The following SCARB1 variants were observed in gnomAD, a reference collection of about 807,000 sequenced individuals.
The protein encoded by SCARB1 is scavenger receptor class B member 1.
A neutral mutation model predicts 57.2 loss-of-function variants in SCARB1; 30 were observed. That is an observed-to-expected ratio of 0.52 (90% CI 0.39 to 0.71). The LOEUF is 0.71. SCARB1 is among the 30% of genes least tolerant of loss of function. SCARB1 has a pLI of 0.00. For missense variants in SCARB1, 543 were observed against 671.2 expected (o/e 0.81, Z 2.11); for synonymous variants, 249 against 268.3 (o/e 0.93, Z 0.70).
chr12:124,816,462 C>T (rs1018040258), intron 2 of SCARB1, among the ~76,000 whole-genome samples: 52 of 152,212 alleles, frequency 3.4e-4, no homozygotes, highest in African/African-American at 1.2e-4. Context: ...GTTAAATGAA[C>T]GAGCGAATGA....
intron 9 of SCARB1, among the ~76,000 whole-genome samples, chr12:124,792,329 G>T (rs1229834866): frequency 6.6e-6 from 1 of 152,116 alleles, no homozygotes; most frequent in Non-Finnish European, 1.5e-5. Context: ...GGAGTGCCTT[G>T]TTCCCAGTCC....
chr12:124,830,218 G>C (rs1951331639), intron 1 of SCARB1, among the ~76,000 whole-genome samples: 1 of 152,202 alleles, frequency 6.6e-6, no homozygotes. Flanking sequence ...TGAGGATGTG[G>C]AGCAGCCAGA....
At chr12:124,858,744 T>C (rs1159033427) in intron 1 of SCARB1, among the ~76,000 whole-genome samples, 3 of 151,906 alleles carry the variant, frequency 2.0e-5, no homozygotes, top group African/African-American at 7.3e-5. Flanking sequence ...GTGGGTGCGG[T>C]GGCGGGCGCC....
chr12:124,833,626 C>A (rs891312367), intron 1 of SCARB1, among the ~76,000 whole-genome samples: 2 of 152,162 alleles, frequency 1.3e-5, no homozygotes, highest in African/African-American at 4.8e-5. Flanking sequence ...GACCCCAGAG[C>A]ATCCTCCCAC....
intron 1 of SCARB1, among the ~76,000 whole-genome samples, chr12:124,847,413 G>A (rs1398527116): frequency 6.6e-6 from 1 of 152,240 alleles, no homozygotes; most frequent in Non-Finnish European, 1.5e-5. Context: ...ATTTCCACAA[G>A]GCTCTGAGGC....
At chr12:124,845,610 C>T (rs1195497718) in intron 1 of SCARB1, among the ~76,000 whole-genome samples, 2 of 149,502 alleles carry the variant, frequency 1.3e-5, no homozygotes, top group Non-Finnish European at 3.0e-5. Flanking sequence ...GAGGCTGAGG[C>T]AGGAGAATCG....
At chr12:124,831,910 C>T (rs1003173193) in intron 1 of SCARB1, among the ~76,000 whole-genome samples, 11 of 152,288 alleles carry the variant, frequency 7.2e-5, no homozygotes, top group Middle Eastern at 3.4e-3. Context: ...AATTCCTAGC[C>T]GGTGCTCAGG....
chr12:124,831,111 G>A (rs1293888241), intron 1 of SCARB1, among the ~76,000 whole-genome samples: 2 of 152,150 alleles, frequency 1.3e-5, no homozygotes, highest in African/African-American at 4.8e-5. Context: ...AAGTAGCTGG[G>A]ATTACAGATG....
At chr12:124,854,611 G>A (rs1446521843) in intron 1 of SCARB1, among the ~76,000 whole-genome samples, 1 of 152,206 alleles carries the variant, frequency 6.6e-6, no homozygotes, top group Non-Finnish European at 1.5e-5. Flanking sequence ...CGCCTCGGGC[G>A]TGGTGAGAAG....
intron 11 of SCARB1, chr12:124,784,371 T>C (rs1375832278): frequency 3.3e-5 from 5 of 152,208 alleles, no homozygotes; most frequent in African/African-American, 1.2e-4. Context: ...GACCCAATGG[T>C]CATTGTTCAT....
intron 1 of SCARB1, among the ~76,000 whole-genome samples, chr12:124,828,792 G>A (rs55643266): frequency 0.073 from 11,188 of 152,246 alleles, 546 homozygotes; most frequent in East Asian, 0.1. Flanking sequence ...CCACTGAATT[G>A]CAAGGTCTAA....
intron 6 of SCARB1, among the ~76,000 whole-genome samples, chr12:124,808,513 C>T (rs1950404623): frequency 6.6e-6 from 1 of 152,166 alleles, no homozygotes. Flanking sequence ...CCCTTTGCAT[C>T]ACTGCTCCCT....
Position 124,815,050 on chromosome 12 carries a change from G to A in SCARB1, c.349C>T (p.Arg117Cys), listed in dbSNP as rs1950652843. 14 of 1,614,038 alleles carry A rather than the reference G, an allele frequency of 8.7e-6. No individual in the cohort carries two copies. The highest frequency in any genetic ancestry group is 3.3e-5 in the South Asian group (3 of 91,086). Residue 117 changes from arginine to cysteine, a missense_variant, in exon 3 of 13, where the codon CGC becomes TGC. Coordinates refer to ENST00000261693, the MANE Select transcript of SCARB1 (RefSeq NM_005505.5). ...NNDTVSFLEYRTFQFQPSKSH... is the reference protein window; with the variant it reads ...NNDTVSFLEYCTFQFQPSKSH... ...TTGGAGGGCTGGAACTGGAAGGTGC[G>A]GTACTCGAGGAAGGACACGGTGTCG... is the stretch of plus-strand genomic sequence containing the variant.
At position 124,778,160 on chromosome 12, in the gene SCARB1, C is replaced by T; in HGVS notation, c.*427G>A. The T allele has an allele frequency of 3.3e-6, 1 of 301,532 alleles. No homozygotes were observed. The highest frequency in any genetic ancestry group is 6.0e-6 in the Non-Finnish European group (1 of 165,314). The allele number at this position is 301,532 out of a possible 1,614,324, so 18.7% of individuals were successfully genotyped here. A position where few individuals can be genotyped will look rare whatever the true frequency, so the allele number is the denominator to read the frequency against. ...GGCACTCCCAGCCTGGCCCGTCCTG[C>T]ATGGGGAGCCACCACACCGGGACTG... On this transcript the variant is annotated 3_prime_UTR_variant, in exon 13 of 13. Coordinates refer to ENST00000261693, the MANE Select transcript of SCARB1 (RefSeq NM_005505.5).
At chr12:124,778,646 T>TTGCCC in intron 12 of SCARB1, 60 bp from the exon 13 acceptor site, 1 of 1,337,874 alleles carries the variant, frequency 7.5e-7, no homozygotes, top group Non-Finnish European at 9.6e-7. Context: ...CCCACCCTCA[T>TTGCCC]CCCCGCCCAC....
chr12:124,813,837 C>T (rs967205203), intron 4 of SCARB1, among the ~76,000 whole-genome samples: 4 of 152,106 alleles, frequency 2.6e-5, no homozygotes, highest in African/African-American at 9.7e-5. Flanking sequence ...GGCTCCGAAG[C>T]CCAGTCAGTG....
At chr12:124,808,221 C>T (rs1024990616) in intron 6 of SCARB1, among the ~76,000 whole-genome samples, 1 of 152,006 alleles carries the variant, frequency 6.6e-6, no homozygotes, top group Admixed American at 6.6e-5. Flanking sequence ...TTTGGGAGGC[C>T]GAGGTGGGAG....
chr12:124,819,779 A>C (rs1193599706), intron 1 of SCARB1, among the ~76,000 whole-genome samples: 2 of 152,380 alleles, frequency 1.3e-5, no homozygotes, highest in Middle Eastern at 3.4e-3. Flanking sequence ...CTGGCCAGTC[A>C]GGGCCAGCCC....
chr12:124,847,128 C>T (rs939709357), intron 1 of SCARB1, among the ~76,000 whole-genome samples: 3 of 152,224 alleles, frequency 2.0e-5, no homozygotes, highest in Non-Finnish European at 2.9e-5. Context: ...TATTTGATTG[C>T]ATATGTCTTA....
Sources: allele counts gnomAD v4.1 joint callset (sites outside exome capture counted in the v4.1 genomes callset), GRCh38; gene constraint gnomAD v4.1.1; transcripts MANE v1.5; gene names NCBI Gene and HGNC (gene_info 2026-07-23, HGNC 2026-07-21).